LRP12: variants seen among roughly 807,000 people sequenced by gnomAD.
The protein encoded by LRP12 is low-density lipoprotein receptor-related protein 12.
A neutral mutation model predicts 66.0 loss-of-function variants in LRP12; 14 were observed. The ratio of observed to expected loss-of-function variants is 0.21; its 90% CI spans 0.14 to 0.33. The LOEUF is 0.33. Among genes scored for constraint, LRP12 ranks in the 10% least tolerant of loss-of-function variants. The pLI is 1.00. For synonymous variants in LRP12, 357 were observed against 359.1 expected (o/e 0.99, Z 0.07); for missense variants, 889 against 1,053.4 (o/e 0.84, Z 2.16).
At chr8:104,492,686 T>A (rs932379097) in intron 6 of LRP12, among the ~76,000 whole-genome samples, 2 of 152,124 alleles carry the variant, frequency 1.3e-5, no homozygotes, top group African/African-American at 4.8e-5. Context: ...CATAGTGCCA[T>A]GAACATAATT....
intron 2 of LRP12, among the ~76,000 whole-genome samples, chr8:104,519,604 G>C (rs575844788): frequency 1.4e-4 from 21 of 152,016 alleles, no homozygotes; most frequent in Non-Finnish European, 2.9e-4. Flanking sequence ...TTTTAGATTA[G>C]GGATGCTCAA....
intron 1 of LRP12, among the ~76,000 whole-genome samples, chr8:104,584,998 G>A (rs1812307818): frequency 6.6e-6 from 1 of 152,104 alleles, no homozygotes; most frequent in African/African-American, 2.4e-5. Context: ...GATTATTTTA[G>A]GCTACCACAA....
intron 2 of LRP12, among the ~76,000 whole-genome samples, chr8:104,520,600 A>G (rs1053341654): frequency 6.6e-6 from 1 of 152,038 alleles, no homozygotes; most frequent in Non-Finnish European, 1.5e-5. Context: ...AAACAATACC[A>G]GAGTACGTTT....
At chr8:104,545,702 A>G (rs760439664) in intron 1 of LRP12, among the ~76,000 whole-genome samples, 1 of 152,200 alleles carries the variant, frequency 6.6e-6, no homozygotes, top group Non-Finnish European at 1.5e-5. Flanking sequence ...TGCATACTTA[A>G]CAGACTACAG....
chr8:104,528,795 C>T (rs1229587569), intron 2 of LRP12, among the ~76,000 whole-genome samples: 1 of 151,394 alleles, frequency 6.6e-6, no homozygotes, highest in Non-Finnish European at 1.5e-5. Context: ...AAAACAACAA[C>T]AAAAAACAGC....
rs1463852806 is a variant in LRP12, at chr8:104,497,825, T to C, written c.727A>G (p.Ile243Val). The C allele has an allele frequency of 2.5e-6, 4 of 1,614,220 alleles. No individual in the cohort carries two copies. The highest frequency in any genetic ancestry group is 3.4e-6 in the Non-Finnish European group (4 of 1,180,038). ...LPESLKCDGN[I>V]DCLDLGDEID... ...TCATCTCCTAGGTCAAGGCAGTCAA[T>C]GTTCCCATCACATTTTAAAGATTCG... Residue 243 changes from isoleucine to valine, a missense_variant, in exon 5 of 7, where the codon ATT becomes GTT. Transcript: ENST00000276654. The surrounding 1 kb of genome is among the most constrained non-coding windows in gnomAD (Gnocchi z 4.3).
intron 1 of LRP12, among the ~76,000 whole-genome samples, chr8:104,545,326 A>G (rs988747443): frequency 4.6e-5 from 7 of 152,214 alleles, no homozygotes; most frequent in Admixed American, 1.3e-4. Flanking sequence ...AATGACAACA[A>G]AAGATTTAGA....
intron 2 of LRP12, among the ~76,000 whole-genome samples, chr8:104,509,342 T>G (rs903264353): frequency 1.1e-4 from 16 of 152,152 alleles, no homozygotes; most frequent in Admixed American, 3.9e-4. Flanking sequence ...GAGCCAACAG[T>G]GGTCTGAAAA....
intron 1 of LRP12, among the ~76,000 whole-genome samples, chr8:104,546,976 C>G (rs1041388002): frequency 7.2e-6 from 1 of 138,100 alleles, no homozygotes. Context: ...ATATATAATT[C>G]TATACATTTT....
chr8:104,566,904 T>C (rs1421475920), intron 1 of LRP12, among the ~76,000 whole-genome samples: 1 of 151,986 alleles, frequency 6.6e-6, no homozygotes, highest in African/African-American at 2.4e-5. Context: ...AAATGTGAAA[T>C]TATGGGTAAC....
intron 1 of LRP12, among the ~76,000 whole-genome samples, chr8:104,569,599 A>G (rs1812049900): frequency 6.6e-6 from 1 of 152,132 alleles, no homozygotes; most frequent in African/African-American, 2.4e-5. Flanking sequence ...TAAATACAAC[A>G]TAATAATGTT....
chr8:104,567,012 A>C (rs1341754948), intron 1 of LRP12, among the ~76,000 whole-genome samples: 1 of 152,110 alleles, frequency 6.6e-6, no homozygotes, highest in African/African-American at 2.4e-5. Context: ...ATTTAAAAAA[A>C]AAACAAAAAT....
chr8:104,574,421 A>ATGG (rs1588510155), intron 1 of LRP12, among the ~76,000 whole-genome samples: 1 of 152,246 alleles, frequency 6.6e-6, no homozygotes, highest in African/African-American at 2.4e-5. Flanking sequence ...CTAATATACC[A>ATGG]TAATTTATTC....
intron 2 of LRP12, among the ~76,000 whole-genome samples, chr8:104,510,545 C>T (rs896206851): frequency 2.0e-5 from 3 of 152,122 alleles, no homozygotes; most frequent in Non-Finnish European, 4.4e-5. Flanking sequence ...GATAATGTGA[C>T]AATTTATTCT....
chr8:104,570,794 T>C (rs1812065610), intron 1 of LRP12, among the ~76,000 whole-genome samples: 1 of 152,120 alleles, frequency 6.6e-6, no homozygotes, highest in African/African-American at 2.4e-5. Flanking sequence ...TTTAAAACTT[T>C]TCCTTTGCCA....
At chr8:104,573,216 T>C (rs1812108695) in intron 1 of LRP12, among the ~76,000 whole-genome samples, 2 of 152,176 alleles carry the variant, frequency 1.3e-5, no homozygotes, top group African/African-American at 4.8e-5. Flanking sequence ...TACTAGGTCA[T>C]AGTTTAGATA....
intron 1 of LRP12, among the ~76,000 whole-genome samples, chr8:104,558,502 T>C (rs1024666908): frequency 2.0e-5 from 3 of 151,992 alleles, no homozygotes; most frequent in Admixed American, 6.6e-5. Flanking sequence ...CCATAAAAAT[T>C]CTAGAAGATA....
intron 4 of LRP12, 47 bp from the exon 5 acceptor site, chr8:104,498,123 T>C: frequency 6.7e-7 from 1 of 1,485,834 alleles, no homozygotes. Flanking sequence ...GGAGAAAAAT[T>C]ATAATCTTTA....
intron 1 of LRP12, among the ~76,000 whole-genome samples, chr8:104,571,063 C>A (rs1389576387): frequency 6.6e-6 from 1 of 152,142 alleles, no homozygotes; most frequent in African/African-American, 2.4e-5. Context: ...ATTAACAATA[C>A]CAAGTACTGA....
Sources: gnomAD v4.1 joint callset for allele counts (sites outside exome capture counted in the v4.1 genomes callset) on GRCh38, gnomAD v4.1.1 for gene constraint, Gnocchi (gnomAD v3.1) non-coding constraint, MANE v1.5 for transcripts, NCBI Gene and HGNC (gene_info 2026-07-23, HGNC 2026-07-21) for gene names.